PPA2: variants seen among roughly 807,000 people sequenced by gnomAD.
PPA2 encodes the protein inorganic pyrophosphatase 2, also known as inorganic pyrophosphatase 2, mitochondrial.
In PPA2, 48 loss-of-function variants were observed where a neutral mutation model predicts 49.5. That is an observed-to-expected ratio of 0.97 (90% CI 0.77 to 1.23). The LOEUF is 1.23. Among genes scored for constraint, PPA2 ranks in the 50% most tolerant of loss-of-function variants. The pLI is 0.00. For missense variants in PPA2, 429 were observed against 410.1 expected (o/e 1.05, Z -0.40); for synonymous variants, 131 against 139.9 (o/e 0.94, Z 0.45).
In PPA2 at chr4:105,384,172, T is replaced by C. The variant is rs62328812; in HGVS notation, c.939+2395A>G. On this transcript the variant is annotated intron_variant, in intron 10 of 11. Coordinates refer to ENST00000341695, the MANE Select transcript of PPA2 (RefSeq NM_176869.3). The stretch of plus-strand genomic sequence containing the variant: ...GGGGTAATTCTTTGACTTACAAATA[T>C]TGAATGATGAAAACTGGCATACATG... Among the ~76,000 whole-genome samples, 929 of 152,314 alleles carry C rather than the reference T, an allele frequency of 6.1e-3. 5 individuals carry two copies. Among genetic ancestry groups the C allele is most frequent in the Non-Finnish European group, 0.01 (711 of 68,016 alleles).
chr4:105,429,862 T>C (rs1167983429), intron 6 of PPA2, among the ~76,000 whole-genome samples: 1 of 152,154 alleles, frequency 6.6e-6, no homozygotes, highest in African/African-American at 2.4e-5. Flanking sequence ...AAGAAAATAA[T>C]AAATGATATT....
intron 1 of PPA2, among the ~76,000 whole-genome samples, chr4:105,461,648 A>G (rs1397521926): frequency 6.6e-6 from 1 of 152,216 alleles, no homozygotes; most frequent in African/African-American, 2.4e-5. Context: ...CTTGGCCAAA[A>G]GGAGACCCAT....
At chr4:105,372,913 G>GA (rs1321239328) in intron 10 of PPA2, among the ~76,000 whole-genome samples, 5 of 152,136 alleles carry the variant, frequency 3.3e-5, no homozygotes, top group African/African-American at 1.2e-4. Flanking sequence ...TCTGTTTTAA[G>GA]AAAAAAGCTG....
rs545523625 is a variant in PPA2 at position 105,424,470 on chromosome 4, T to G, written c.529-148A>C. 4.3e-6 allele frequency: 3 copies of G among 699,956 alleles called. No individual in the cohort carries two copies. The South Asian group carries it at 9.1e-5, about 21-fold the overall frequency. The allele number at this position is 699,956 out of a possible 1,614,324, so 43.4% of individuals were successfully genotyped here. ...AAATAATATGAAAATAGCCAAAGTC[T>G]GCCTTGCAATGTCCCTTTAGAGTTA... On this transcript the variant is annotated intron_variant, in intron 6 of 11. Coordinates refer to ENST00000341695, the MANE Select transcript of PPA2 (RefSeq NM_176869.3).
intron 5 of PPA2, among the ~76,000 whole-genome samples, chr4:105,443,129 G>C (rs1044505661): frequency 3.9e-5 from 6 of 152,008 alleles, no homozygotes; most frequent in African/African-American, 1.4e-4. Context: ...TTATAGAAAA[G>C]GGAAATAAAG....
rs1044988434 is a variant in PPA2 at position 105,369,475 on chromosome 4, G to A, written c.*250C>T. On this transcript the variant is annotated 3_prime_UTR_variant, in exon 12 of 12. Coordinates refer to ENST00000341695, the MANE Select transcript of PPA2 (RefSeq NM_176869.3). Reference sequence around the variant, plus strand: ...CCTGACCTTGTGATCTGCCCACCTCGGCCTCCCAAAGTGCTGAAATTACAG... The same window carrying A: ...CCTGACCTTGTGATCTGCCCACCTCAGCCTCCCAAAGTGCTGAAATTACAG... The A allele has an allele frequency of 4.9e-5, 21 of 425,706 alleles. No homozygotes were observed. The highest frequency in any genetic ancestry group is 5.1e-5 in the Non-Finnish European group (12 of 235,484). 26.4% of individuals were successfully genotyped at this position (425,706 alleles called of 1,614,324 possible).
chr4:105,370,252 T>A (rs1248609198), intron 11 of PPA2, among the ~76,000 whole-genome samples: 2 of 152,172 alleles, frequency 1.3e-5, no homozygotes, highest in African/African-American at 4.8e-5. Flanking sequence ...TTCTCATATT[T>A]CTTCCAAATC....
Position 105,456,707 on chromosome 4 carries a change from T to C in PPA2, c.196A>G (p.Ile66Val). ...TCTTTAGAGTTCACCTTCAGAGGAA[T>C]ATCATGAAAGGGGGAAATGTAGTGA... is the stretch of plus-strand genomic sequence containing the variant. Reference protein sequence around the residue: ...TGHYISPFHDIPLKVNSKEEN... With the variant: ...TGHYISPFHDVPLKVNSKEEN... Residue 66 changes from isoleucine to valine, a missense_variant, in exon 2 of 12, where the codon ATT becomes GTT. Coordinates refer to ENST00000341695, the MANE Select transcript of PPA2 (RefSeq NM_176869.3). The C allele has an allele frequency of 6.2e-7, 1 of 1,607,400 alleles. No individual in the cohort carries two copies. Among genetic ancestry groups the C allele is most frequent in the Non-Finnish European group, 8.5e-7 (1 of 1,176,370 alleles).
Position 105,448,856 on chromosome 4 carries a change from G to GA in PPA2, c.321+493dup, listed in dbSNP as rs916814814. ...ATATAACAAACTGACAGGCAAAATT[G>GA]AAAAAAAAACTCTCTATAAAACTAT... On this transcript the variant is annotated intron_variant, in intron 4 of 11. Coordinates refer to ENST00000341695, the MANE Select transcript of PPA2 (RefSeq NM_176869.3). Among the ~76,000 whole-genome samples the GA allele has an allele frequency of 3.1e-4, 47 of 149,724 alleles. 1 individual carries two copies. Among genetic ancestry groups the GA allele is most frequent in the Admixed American group, 4.7e-4 (7 of 15,026 alleles).
At chr4:105,473,554 G>GCAC in intron 1 of PPA2, 1 of 528,514 alleles carries the variant, frequency 1.9e-6, no homozygotes, top group Non-Finnish European at 3.6e-6. Context: ...CGGCCGGGCC[G>GCAC]GCTAATGGCT....
Position 105,446,456 on chromosome 4 carries a change from T to C in PPA2, c.368A>G (p.Asp123Gly), listed in dbSNP as rs376835547. 9.3e-6 allele frequency: 15 copies of C among 1,606,856 alleles called. No individual in the cohort carries two copies. Among genetic ancestry groups the C allele is most frequent in the Middle Eastern group, 3.3e-4 (2 of 6,046 alleles). Residue 123 changes from aspartate to glycine, a missense_variant, in exon 5 of 12, where the codon GAT becomes GGT. Transcript: ENST00000341695. ...ATTCGCCACATAGCGTAGCTTTCCA[T>C]CCTTTACATATTGTTTAATGGGATT... ...PMNPIKQYVK[D>G]GKLRYVANIF...
chr4:105,372,447 C>G lies in PPA2; in HGVS notation c.940-1574G>C, dbSNP rs572758626. On this transcript the variant is annotated intron_variant, in intron 10 of 11. Coordinates refer to ENST00000341695, the MANE Select transcript of PPA2 (RefSeq NM_176869.3). ...ATATTTCAGCAATATTAAAATATTC[C>G]CTATGATAGCTAATTTTATGTGTCA... 8.5e-5 allele frequency among the ~76,000 whole-genome samples: 13 copies of G among 152,248 alleles called. No individual in the cohort carries two copies. The South Asian group carries it at 2.5e-3, about 29-fold the overall frequency.
At chr4:105,445,585 C>T (rs1722345251) in intron 5 of PPA2, among the ~76,000 whole-genome samples, 1 of 151,960 alleles carries the variant, frequency 6.6e-6, no homozygotes, top group African/African-American at 2.4e-5. Flanking sequence ...TTCCCCAATA[C>T]CATCTTGAAA....
At chr4:105,410,441 G>A (rs1415314256) in intron 7 of PPA2, among the ~76,000 whole-genome samples, 1 of 152,220 alleles carries the variant, frequency 6.6e-6, no homozygotes, top group Non-Finnish European at 1.5e-5. Context: ...CGTTTGATTA[G>A]TGTACCTGAA....
At chr4:105,431,354 A>G (rs1345148167) in intron 6 of PPA2, among the ~76,000 whole-genome samples, 2 of 152,198 alleles carry the variant, frequency 1.3e-5, no homozygotes, top group African/African-American at 4.8e-5. Flanking sequence ...TTTGTTTAAG[A>G]TAAAATCAGA....
intron 4 of PPA2, among the ~76,000 whole-genome samples, chr4:105,447,148 T>A (rs1372386438): frequency 6.6e-6 from 1 of 152,056 alleles, no homozygotes; most frequent in African/African-American, 2.4e-5. Flanking sequence ...TAAGTGTCCA[T>A]CAACAGATTA....
intron 7 of PPA2, chr4:105,405,727 T>C: frequency 5.5e-6 from 4 of 721,224 alleles, no homozygotes; most frequent in South Asian, 4.4e-5. Context: ...CTAAAATAGA[T>C]ACCTTATAAA....
chr4:105,450,533 C>G (rs1722622048), intron 3 of PPA2, among the ~76,000 whole-genome samples: 1 of 150,004 alleles, frequency 6.7e-6, no homozygotes, highest in Non-Finnish European at 1.5e-5. Flanking sequence ...CCCGCCAGCA[C>G]GCCTGCTAAT....
At chr4:105,403,241 T>C (rs534654461) in intron 7 of PPA2, among the ~76,000 whole-genome samples, 1 of 152,244 alleles carries the variant, frequency 6.6e-6, no homozygotes, top group African/African-American at 2.4e-5. Context: ...TTGTTTTAGT[T>C]GCTTTGTTGC....
Sources: gnomAD v4.1 joint callset for allele counts (sites outside exome capture counted in the v4.1 genomes callset) on GRCh38, gnomAD v4.1.1 for gene constraint, MANE v1.5 for transcripts, NCBI Gene and HGNC (gene_info 2026-07-23, HGNC 2026-07-21) for gene names.